The following ANK3 variants were observed in gnomAD, a reference collection of about 807,000 sequenced individuals.
The protein encoded by ANK3 is ankyrin 3.
ANK3 carries 57 observed loss-of-function variants against 370.9 expected under a neutral mutation model. That is an observed-to-expected ratio of 0.15 (90% CI 0.12 to 0.19). ANK3 has a LOEUF of 0.19. Ranked by LOEUF, ANK3 falls within the 10% of genes least tolerant of loss-of-function variation. The pLI is 1.00. For missense variants in ANK3, 4,439 were observed against 5,302.1 expected, an observed-to-expected ratio of 0.84 and a Z score of 5.06; for synonymous variants, 1,929 against 1,946.3, an observed-to-expected ratio of 0.99 and a Z score of 0.23.
Position 60,135,777 on chromosome 10 carries a change from T to A in ANK3, c.2739-1404A>T, listed in dbSNP as rs1488147477. Among the ~76,000 whole-genome samples, 6 of 152,080 alleles carry A rather than the reference T, an allele frequency of 3.9e-5. No homozygotes were observed. In the East Asian group the frequency reaches 1.2e-3, roughly 29 times the overall value. ...CCACTGCCTGCTATACTAAAGAAAA[T>A]CAGAAAGTGGGTATCCTTTTATCAA... On this transcript the variant is annotated intron_variant, in intron 24 of 43. Coordinates refer to ENST00000280772, the MANE Select transcript of ANK3 (RefSeq NM_020987.5).
intron 1 of ANK3, among the ~76,000 whole-genome samples, chr10:60,690,499 T>C (rs1253375270): frequency 2.0e-5 from 3 of 152,214 alleles, no homozygotes; most frequent in Non-Finnish European, 4.4e-5. Flanking sequence ...TGACAGGCAA[T>C]GTTTTTTTCC....
chr10:60,240,169 T>TATATACATATATACAC (rs1253603450), intron 7 of ANK3, among the ~76,000 whole-genome samples: 2,219 of 140,978 alleles, frequency 0.016, 68 homozygotes, highest in African/African-American at 0.053. Flanking sequence ...TATACACATA[T>TATATACATATATACAC]ATATACATAT....
In ANK3 at chr10:60,722,673, G is replaced by A. The variant is rs183021265; in HGVS notation, c.57+10590C>T. 3.5e-4 allele frequency among the ~76,000 whole-genome samples: 53 copies of A among 152,216 alleles called. No individual in the cohort carries two copies. In the East Asian group the frequency reaches 9.3e-3, roughly 27 times the overall value. On this transcript the variant is annotated intron_variant, in intron 1 of 43. Coordinates refer to the ANK3 transcript ENST00000373827. The stretch of plus-strand genomic sequence containing the variant: ...ACCCCCAACGTTGGAGGTGGGGCCC[G>A]GTGGGAGGTATTTGGATCATGGGGG...
At chr10:60,414,979 T>C (rs2132938329) in intron 2 of ANK3, among the ~76,000 whole-genome samples, 1 of 152,314 alleles carries the variant, frequency 6.6e-6, no homozygotes, top group East Asian at 1.9e-4. Context: ...AGGAATTTCC[T>C]TCGAGGTCCT....
At chr10:60,496,033 T>G (rs1385035724) in intron 2 of ANK3, among the ~76,000 whole-genome samples, 1 of 152,096 alleles carries the variant, frequency 6.6e-6, no homozygotes, top group African/African-American at 2.4e-5. Context: ...ATTGTCTGCT[T>G]CTAATTTATA....
chr10:60,521,139 A>T (rs1448961557), intron 2 of ANK3, among the ~76,000 whole-genome samples: 1 of 151,972 alleles, frequency 6.6e-6, no homozygotes, highest in Non-Finnish European at 1.5e-5. Flanking sequence ...ACCTTATTTT[A>T]TTTACTGTGT....
rs139232994 is a variant in ANK3 at position 60,071,788 on chromosome 10, A to G, written c.9093T>C (p.Tyr3031=). 5.0e-5 allele frequency: 81 copies of G among 1,607,470 alleles called. No homozygotes were observed. The African/African-American group carries it at 7.6e-4, about 15-fold the overall frequency. ...CCTCGAGAGGTGGGCATAAACCTAC[A>G]TAACTCTGGTGTTTGGAAACTTTGC... The part of the protein sequence containing the change: ...EISKVSKHQS[Y]VGLCPPLEET... The change falls in exon 37 of 44, where the codon TAT becomes TAC. Residue 3031 remains tyrosine, a synonymous_variant. Transcript: ENST00000280772.
At chr10:60,400,628 T>A (rs548769374) in intron 2 of ANK3, among the ~76,000 whole-genome samples, 1 of 152,338 alleles carries the variant, frequency 6.6e-6, no homozygotes, top group East Asian at 1.9e-4. Context: ...GCAGGTGCAG[T>A]TTGCCTTTAG....
intron 40 of ANK3, chr10:60,060,088 T>C: frequency 2.8e-6 from 3 of 1,070,376 alleles, no homozygotes; most frequent in South Asian, 4.2e-5. Flanking sequence ...TAAAATTATA[T>C]CAGGCATGAA....
At chr10:60,304,962 A>G (rs1055771604) in intron 1 of ANK3, among the ~76,000 whole-genome samples, 4 of 152,178 alleles carry the variant, frequency 2.6e-5, no homozygotes, top group Non-Finnish European at 5.9e-5. Flanking sequence ...CTCAATTGAC[A>G]TACAGTGAGG....
rs202210488 is a variant in ANK3, at chr10:60,173,309, CT to C, written c.2185-124del. 1.7e-3 allele frequency: 1,254 copies of C among 727,828 alleles called. 15 individuals are homozygous for C. In the African/African-American group the frequency reaches 0.02, roughly 11 times the overall value. 45.1% of individuals were successfully genotyped at this position (727,828 alleles called of 1,614,324 possible). ...TGAGCTGGCAAAAGTAGGTTTTTTT[CT>C]TCTCTATATTAAAAAAATTGCCCTT... On this transcript the variant is annotated intron_variant, in intron 18 of 43. Transcript: ENST00000280772.
chr10:60,068,053 T>C (rs141405787), intron 37 of ANK3, 44 bp from the exon 38 acceptor site: 58 of 1,562,280 alleles, frequency 3.7e-5, no homozygotes, highest in Non-Finnish European at 4.7e-5. Flanking sequence ...TCAAGAAAGA[T>C]ACGATACTGG....
At chr10:60,276,188 G>C (rs1256785954) in intron 4 of ANK3, among the ~76,000 whole-genome samples, 1 of 152,112 alleles carries the variant, frequency 6.6e-6, no homozygotes, top group Admixed American at 6.6e-5. Context: ...TTATATTTAA[G>C]ATAAGGAGAA....
intron 1 of ANK3, among the ~76,000 whole-genome samples, chr10:60,667,615 C>A (rs1298048923): frequency 6.6e-6 from 1 of 151,424 alleles, no homozygotes; most frequent in Non-Finnish European, 1.5e-5. Context: ...CACTTTACAA[C>A]CTTGTCATTT....
At chr10:60,059,318 C>T (rs769289560) in intron 41 of ANK3, 22 bp downstream of exon 41, 3 of 1,600,378 alleles carry the variant, frequency 1.9e-6, no homozygotes, top group Admixed American at 1.7e-5. Context: ...TGTTCACTTT[C>T]CTTTTTTTGA....
At position 60,684,473 on chromosome 10, in the gene ANK3, T is replaced by A. The variant is rs2079241800; in HGVS notation, c.57+48790A>T. 4 of 1,291,936 alleles carry A rather than the reference T, an allele frequency of 3.1e-6. No homozygotes were observed. The South Asian group carries it at 5.7e-5, about 18-fold the overall frequency. The allele number at this position is 1,291,936 out of a possible 1,614,324, so 80.0% of individuals were successfully genotyped here. A position where few individuals can be genotyped will look rare whatever the true frequency, so the allele number is the denominator to read the frequency against. Reference sequence around the variant, plus strand: ...GTCCTAAGGCAAGAAGTAGAAAGCGTTTCAATTTGGGACATTTATTTGCAG... The same window carrying A: ...GTCCTAAGGCAAGAAGTAGAAAGCGATTCAATTTGGGACATTTATTTGCAG... On this transcript the variant is annotated intron_variant, in intron 1 of 43. Transcript: ENST00000373827.
intron 43 of ANK3, 37 bp from the exon 44 acceptor site, chr10:60,029,863 CTTTTTCTTTTTCTTTTTTTT>C (rs1237428957): frequency 6.9e-5 from 4 of 57,976 alleles, no homozygotes; most frequent in Non-Finnish European, 1.2e-4. Flanking sequence ...GTTTAGCTTT[CTTTTTCTTTTTCTTTTTTTT>C]TTTTTTTTTT....
At chr10:60,554,304 C>T (rs2077159044) in intron 2 of ANK3, among the ~76,000 whole-genome samples, 1 of 152,084 alleles carries the variant, frequency 6.6e-6, no homozygotes, top group South Asian at 2.1e-4. Context: ...TGTAATCTCC[C>T]TGAGAACAGG....
chr10:60,552,327 AG>A (rs1332580142), intron 2 of ANK3, among the ~76,000 whole-genome samples: 3 of 152,210 alleles, frequency 2.0e-5, no homozygotes, highest in Non-Finnish European at 4.4e-5. Flanking sequence ...CTATTTAATG[AG>A]ATTGAATGCA....
Sources: allele counts gnomAD v4.1 joint callset (sites outside exome capture counted in the v4.1 genomes callset), GRCh38; gene constraint gnomAD v4.1.1; transcripts MANE v1.5; gene names NCBI Gene and HGNC (gene_info 2026-07-23, HGNC 2026-07-21).